The following ITPR2 variants were observed in gnomAD, a reference collection of about 807,000 sequenced individuals.
The protein encoded by ITPR2 is inositol 1,4,5-trisphosphate receptor type 2.
In ITPR2, 207 loss-of-function variants were observed where a neutral mutation model predicts 317.1. That is an observed-to-expected ratio of 0.65 (90% confidence interval 0.58 to 0.73). ITPR2 has a LOEUF of 0.73. ITPR2 is among the 30% of genes least tolerant of loss of function. ITPR2 has a pLI of 0.00. For synonymous variants in ITPR2, 1,156 were observed against 1,149.1 expected, an observed-to-expected ratio of 1.01 and a Z score of -0.12; for missense variants, 2,613 against 3,284.0, an observed-to-expected ratio of 0.80 and a Z score of 4.99.
intron 1 of ITPR2, among the ~76,000 whole-genome samples, chr12:26,820,067 C>A (rs1171785503): frequency 6.6e-6 from 1 of 151,932 alleles, no homozygotes. Flanking sequence ...GAGTGAGACT[C>A]AGTCTCAAAA....
rs3064583 is a variant in ITPR2 at position 26,772,491 on chromosome 12, C to CATGTATTATAT, written c.163+17665_163+17666insATATAATACAT. 1.3e-3 allele frequency among the ~76,000 whole-genome samples: 126 copies of CATGTATTATAT among 100,352 alleles called. 3 individuals are homozygous for CATGTATTATAT. The highest frequency in any genetic ancestry group is 1.9e-3 in the Non-Finnish European group (90 of 47,070). 65.8% of individuals were successfully genotyped at this position (100,352 alleles called of 152,430 possible). A position where few individuals can be genotyped will look rare whatever the true frequency, so the allele number is the denominator to read the frequency against. ...TGTATTATATATAATATATATAATA[C>CATGTATTATAT]ATATAATACATGTATTATATATAAT... On this transcript the variant is annotated intron_variant, in intron 2 of 56. Coordinates refer to ENST00000381340, the MANE Select transcript of ITPR2 (RefSeq NM_002223.4).
intron 2 of ITPR2, among the ~76,000 whole-genome samples, chr12:26,787,204 TG>T (rs35572763): frequency 1.3e-5 from 2 of 152,222 alleles, no homozygotes; most frequent in Admixed American, 1.3e-4. Flanking sequence ...CAATGCATCA[TG>T]GGAGAAAGGC....
In ITPR2 at chr12:26,831,948, A is replaced by G. The variant is rs1251858003; in HGVS notation, c.92+742T>C. On this transcript the variant is annotated intron_variant, in intron 1 of 56. Coordinates refer to ENST00000381340, the MANE Select transcript of ITPR2 (RefSeq NM_002223.4). This position sits in a 1 kb window ranked among gnomAD's most constrained non-coding sequence, Gnocchi z 4.9. Reference sequence around the variant, plus strand: ...ATATATATATTTTTCCCCCCATTCAACTCGAATCTCAAGAACTCTTCACTT... The same window carrying G: ...ATATATATATTTTTCCCCCCATTCAGCTCGAATCTCAAGAACTCTTCACTT... Among the ~76,000 whole-genome samples, 1 of 150,710 alleles carries G rather than the reference A, an allele frequency of 6.6e-6. No homozygotes were observed. The highest frequency in any genetic ancestry group is 1.5e-5 in the Non-Finnish European group (1 of 67,820).
chr12:26,611,787 A>C (rs114506892), intron 26 of ITPR2, among the ~76,000 whole-genome samples: 2,478 of 152,306 alleles, frequency 0.016, 76 homozygotes, highest in African/African-American at 0.057. Flanking sequence ...GGTAATCCTG[A>C]CTTAACCTAC....
rs139010911 is a variant in ITPR2 at position 26,466,748 on chromosome 12, A to G, written c.6342+8548T>C. Among the ~76,000 whole-genome samples, 8 of 152,338 alleles carry G rather than the reference A, an allele frequency of 5.3e-5. No individual in the cohort carries two copies. The East Asian group carries it at 1.5e-3, about 29-fold the overall frequency. ...GCCAGAGAAGTTAAGTGATGTAAAT[A>G]GCTCACAGAGAAAACACAGGGTGCA... On this transcript the variant is annotated intron_variant, in intron 45 of 56. Coordinates refer to ENST00000381340, the MANE Select transcript of ITPR2 (RefSeq NM_002223.4).
chr12:26,732,518 G>A (rs755831675), intron 2 of ITPR2, among the ~76,000 whole-genome samples: 8 of 152,168 alleles, frequency 5.3e-5, no homozygotes, highest in East Asian at 1.9e-4. Context: ...ACCATGGAGC[G>A]CTTTGTAAAC....
At chr12:26,533,688 A>C (rs561096024) in intron 37 of ITPR2, among the ~76,000 whole-genome samples, 1 of 152,238 alleles carries the variant, frequency 6.6e-6, no homozygotes, top group Non-Finnish European at 1.5e-5. Flanking sequence ...TACAGAAGGA[A>C]AATAATATGA....
chr12:26,617,046 G>A (rs1328580026), intron 26 of ITPR2, among the ~76,000 whole-genome samples: 6 of 152,130 alleles, frequency 3.9e-5, no homozygotes, highest in Non-Finnish European at 7.4e-5. Flanking sequence ...AAGGCTTCCA[G>A]TCAACAGTAG....
intron 9 of ITPR2, among the ~76,000 whole-genome samples, chr12:26,707,884 ACAACT>A (rs1010356950): frequency 5.7e-5 from 8 of 140,282 alleles, no homozygotes; most frequent in Non-Finnish European, 9.4e-5. Context: ...AGGAGCTAAA[ACAACT>A]CAACAGACAA....
intron 21 of ITPR2, among the ~76,000 whole-genome samples, chr12:26,651,425 G>A (rs1466510): frequency 0.087 from 13,275 of 152,134 alleles, 648 homozygotes; most frequent in Middle Eastern, 0.15. Context: ...AATAAATAAA[G>A]CCAACCATTT....
intron 1 of ITPR2, among the ~76,000 whole-genome samples, chr12:26,796,232 C>T (rs1328096042): frequency 6.6e-6 from 1 of 152,048 alleles, no homozygotes. Flanking sequence ...GCTACAAAGG[C>T]TTAGTATCAG....
intron 13 of ITPR2, among the ~76,000 whole-genome samples, chr12:26,669,454 G>C (rs1178110558): frequency 1.3e-5 from 2 of 152,156 alleles, no homozygotes; most frequent in Non-Finnish European, 2.9e-5. Context: ...TATACCTTAA[G>C]TGTCAAATGA....
intron 2 of ITPR2, among the ~76,000 whole-genome samples, chr12:26,775,728 TA>T (rs1949948549): frequency 6.6e-6 from 1 of 151,730 alleles, no homozygotes; most frequent in Non-Finnish European, 1.5e-5. Flanking sequence ...ATAAAGCAAG[TA>T]GAAAAACTTG....
At chr12:26,437,711 T>G (rs1167627794) in intron 47 of ITPR2, among the ~76,000 whole-genome samples, 1 of 152,218 alleles carries the variant, frequency 6.6e-6, no homozygotes, top group Non-Finnish European at 1.5e-5. Context: ...ATACTTATTT[T>G]TTTAAAAGCA....
intron 21 of ITPR2, among the ~76,000 whole-genome samples, chr12:26,638,411 T>G (rs1046600333): frequency 3.9e-5 from 6 of 152,236 alleles, no homozygotes; most frequent in Non-Finnish European, 5.9e-5. Flanking sequence ...GCAAACCAGT[T>G]ACTGAAAATT....
intron 55 of ITPR2, among the ~76,000 whole-genome samples, chr12:26,384,067 AAGAGTGGC>A (rs765828177): frequency 6.6e-6 from 1 of 152,260 alleles, no homozygotes; most frequent in African/African-American, 2.4e-5. Flanking sequence ...GAACAAAAAT[AAGAGTGGC>A]AGAAAATGTC....
rs769849023 is a variant in ITPR2, at chr12:26,724,651, C to G, written c.366+5G>C. On this transcript the variant is annotated splice_donor_5th_base_variant and intron_variant, in intron 4 of 56. Transcript: ENST00000381340. ...TACTCACCTCGTTTAAGAGAAAATACTTACTTGTATAACATTACTGTATTT... is the reference window on the plus strand; with the variant it reads ...TACTCACCTCGTTTAAGAGAAAATAGTTACTTGTATAACATTACTGTATTT... 1.3e-6 allele frequency: 2 copies of G among 1,528,134 alleles called. No homozygotes were observed. The highest frequency in any genetic ancestry group is 1.8e-6 in the Non-Finnish European group (2 of 1,106,524). 94.7% of individuals were successfully genotyped at this position (1,528,134 alleles called of 1,614,324 possible). A position where few individuals can be genotyped will look rare whatever the true frequency, so the allele number is the denominator to read the frequency against.
chr12:26,382,025 C>T (rs1939524589), intron 55 of ITPR2, among the ~76,000 whole-genome samples: 1 of 152,118 alleles, frequency 6.6e-6, no homozygotes, highest in Non-Finnish European at 1.5e-5. Flanking sequence ...TTTGTTTGTT[C>T]CTCCTCAGTC....
At chr12:26,768,571 T>TATAA (rs1949777683) in intron 2 of ITPR2, among the ~76,000 whole-genome samples, 2 of 96,164 alleles carry the variant, frequency 2.1e-5, no homozygotes, top group African/African-American at 1.2e-4. Context: ...CAAATATATA[T>TATAA]AAAAAAAAAA....
Sources: allele counts gnomAD v4.1 joint callset (sites outside exome capture counted in the v4.1 genomes callset), GRCh38; gene constraint gnomAD v4.1.1; non-coding constraint Gnocchi (gnomAD v3.1); transcripts MANE v1.5; gene names NCBI Gene and HGNC (gene_info 2026-07-23, HGNC 2026-07-21).